ATP7A: variants seen among roughly 807,000 people sequenced by gnomAD.
The protein encoded by ATP7A is ATPase copper transporting alpha.
A neutral mutation model predicts 83.5 loss-of-function variants in ATP7A; 7 were observed. That is an observed-to-expected ratio of 0.08 (90% confidence interval 0.05 to 0.16). ATP7A has a LOEUF of 0.16. ATP7A is among the 10% of genes least tolerant of loss of function. The pLI is 1.00. For missense variants in ATP7A, 940 were observed against 1,120.8 expected (o/e 0.84, Z 2.30); for synonymous variants, 354 against 395.2 (o/e 0.90, Z 1.24).
intron 2 of ATP7A, among the ~76,000 whole-genome samples, chrX:77,977,074 A>G (rs2077580509): frequency 8.9e-6 from 1 of 112,226 alleles, no homozygotes; most frequent in Non-Finnish European, 1.9e-5. Flanking sequence ...TCAAATTTAT[A>G]TAAAAATATT....
chrX:77,970,528 C>T (rs782153149), intron 1 of ATP7A, among the ~76,000 whole-genome samples: 50 of 110,983 alleles, frequency 4.5e-4, no homozygotes, highest in African/African-American at 1.4e-3. Flanking sequence ...AAAAATTAGC[C>T]GGGTGTGGTG....
intron 14 of ATP7A, 110 bp downstream of exon 14, chrX:78,021,189 G>A: frequency 1.2e-6 from 1 of 857,181 alleles, no homozygotes; most frequent in South Asian, 2.4e-5. Context: ...TTAAAGGTTT[G>A]GAGTGGGAGA....
chrX:78,011,146 A>G (rs2077821300), intron 7 of ATP7A, 30 bp from the exon 8 acceptor site: 1 of 1,147,967 alleles, frequency 8.7e-7, no homozygotes, highest in Admixed American at 2.2e-5. Flanking sequence ...ATGTTCAGTG[A>G]AATAATTTTT....
chrX:77,939,204 C>T lies in ATP7A; in HGVS notation c.-22+28369C>T, dbSNP rs920407366. On this transcript the variant is annotated intron_variant, in intron 1 of 22. Transcript: ENST00000341514. ...CCCAGCTACTCAGGAGGCTGAGGCA[C>T]GAGAATTACTTGAACTTGGGAGGCG... 6.4e-5 allele frequency among the ~76,000 whole-genome samples: 7 copies of T among 109,685 alleles called. No homozygotes were observed. In the East Asian group the frequency reaches 1.4e-3, roughly 22 times the overall value.
chrX:77,998,699 A>G lies in ATP7A; in HGVS notation c.1543+15A>G, dbSNP rs782368475. Reference sequence around the variant, plus strand: ...GCGGGAAGAAGGTGAGACACTCTTGAAGCTTGTTATTTTATGTGCTAGTTT... The same window carrying G: ...GCGGGAAGAAGGTGAGACACTCTTGGAGCTTGTTATTTTATGTGCTAGTTT... On this transcript the variant is annotated intron_variant, in intron 5 of 22. Transcript: ENST00000341514. 5.0e-6 allele frequency: 6 copies of G among 1,203,300 alleles called. No homozygotes were observed. In the South Asian group the frequency reaches 1.1e-4, roughly 21 times the overall value.
chrX:78,001,200 C>T (rs1483249214), intron 5 of ATP7A, among the ~76,000 whole-genome samples: 1 of 111,475 alleles, frequency 9.0e-6, no homozygotes, highest in African/African-American at 3.3e-5. Flanking sequence ...TAACTGATCA[C>T]CTGAATTGTT....
intron 1 of ATP7A, among the ~76,000 whole-genome samples, chrX:77,932,689 G>A (rs1339439193): frequency 8.9e-6 from 1 of 112,866 alleles, no homozygotes; most frequent in African/African-American, 3.2e-5. Flanking sequence ...GATCACTCGC[G>A]GTTAGGAGCT....
At chrX:77,941,329 T>C (rs996003978) in intron 1 of ATP7A, among the ~76,000 whole-genome samples, 1 of 112,083 alleles carries the variant, frequency 8.9e-6, no homozygotes, top group Non-Finnish European at 1.9e-5. Flanking sequence ...TTTTATAAAA[T>C]GGTACGTTTA....
chrX:77,988,662 A>G lies in ATP7A; in HGVS notation c.541A>G (p.Thr181Ala). 1.7e-6 allele frequency: 2 copies of G among 1,211,213 alleles called. No individual in the cohort carries two copies. The highest frequency in any genetic ancestry group is 2.2e-6 in the Non-Finnish European group (2 of 895,042). The change falls in exon 3 of 23, where the codon ACC (threonine) becomes GCC (alanine). Residue 181 changes from threonine to alanine, a missense_variant. Thr to Ala is a moderately conservative substitution (Grantham distance 58). Coordinates refer to ENST00000341514, the MANE Select transcript of ATP7A (RefSeq NM_000052.7). ...VVLKMKVEGMTCHSCTSTIEG... is the reference protein window; with the variant it reads ...VVLKMKVEGMACHSCTSTIEG... ...GCTGAAGATGAAAGTGGAAGGGATG[A>G]CCTGCCATTCATGTACTAGCACTAT...
chrX:78,034,592 T>C (rs2078001700), intron 17 of ATP7A, among the ~76,000 whole-genome samples: 1 of 111,270 alleles, frequency 9.0e-6, no homozygotes, highest in Non-Finnish European at 1.9e-5. Context: ...CTGATGACCA[T>C]TGACCTCACT....
At chrX:78,029,648 C>T (rs1298421649) in intron 15 of ATP7A, among the ~76,000 whole-genome samples, 1 of 112,046 alleles carries the variant, frequency 8.9e-6, no homozygotes, top group African/African-American at 3.2e-5. Flanking sequence ...CCTAAAACTA[C>T]TCCAGGCCTA....
chrX:78,007,684 TTATATATTCTAGA>T (rs1361969635), intron 6 of ATP7A, among the ~76,000 whole-genome samples: 1 of 112,458 alleles, frequency 8.9e-6, no homozygotes, highest in Non-Finnish European at 1.9e-5. Flanking sequence ...TAAGAATTCT[TTATATATTCTAGA>T]TACAAGTCCC....
chrX:77,931,156 T>G (rs1292689414), intron 1 of ATP7A, among the ~76,000 whole-genome samples: 2 of 109,150 alleles, frequency 1.8e-5, no homozygotes, highest in Non-Finnish European at 3.8e-5. Flanking sequence ...CAGAGGACCC[T>G]GTGGCCTTCC....
At chrX:78,007,365 G>A (rs1021042176) in intron 6 of ATP7A, among the ~76,000 whole-genome samples, 5 of 108,774 alleles carry the variant, frequency 4.6e-5, no homozygotes, top group African/African-American at 1.7e-4. Flanking sequence ...TCGCTCTGTC[G>A]CCCAGGCTGG....
chrX:77,923,200 T>C (rs2077224412), intron 1 of ATP7A: 1 of 112,378 alleles, frequency 8.9e-6, no homozygotes, highest in Admixed American at 9.5e-5. Flanking sequence ...TAAACAAATA[T>C]GCTATATGAA....
chrX:78,013,081 C>T lies in ATP7A; in HGVS notation c.2375C>T (p.Ala792Val), dbSNP rs782770209. The T allele has an allele frequency of 1.7e-6, 2 of 1,209,335 alleles. No homozygotes were observed. Among genetic ancestry groups the T allele is most frequent in the East Asian group, 3.0e-5 (1 of 33,830 alleles). ...DTPPMLFVFIALGRWLEHIAK... is the reference protein window; with the variant it reads ...DTPPMLFVFIVLGRWLEHIAK... ...CCCCCTATGCTGTTTGTGTTTATTG[C>T]ACTAGGCCGATGGCTGGAACATATA... The change falls in exon 10 of 23, where the codon GCA (alanine) becomes GTA (valine). Residue 792 changes from alanine to valine, a missense_variant. By Grantham distance (64) the Ala-to-Val change is moderately conservative. Around this residue, in one of 3 missense-constraint regions of ATP7A, gnomAD observed 204 missense variants for 185.8 expected, o/e 1.10. Transcript: ENST00000341514.
intron 1 of ATP7A, chrX:77,969,273 T>TGGGA (rs1428952329): frequency 1.5e-5 from 18 of 1,210,171 alleles, no homozygotes; most frequent in Admixed American, 1.3e-4. Context: ...TCGGAGGTGG[T>TGGGA]GGGACATCAT....
chrX:78,043,332 G>A lies in ATP7A; in HGVS notation c.4021G>A (p.Val1341Ile). 5.0e-6 allele frequency: 6 copies of A among 1,194,832 alleles called. No homozygotes were observed. The highest frequency in any genetic ancestry group is 6.8e-6 in the Non-Finnish European group (6 of 880,345). The change falls in exon 21 of 23, where the codon GTA (valine) becomes ATA (isoleucine). Residue 1341 changes from valine to isoleucine, a missense_variant. Physicochemically the swap from Val to Ile is conservative, Grantham distance 29. Coordinates refer to ENST00000341514, the MANE Select transcript of ATP7A (RefSeq NM_000052.7). ...CTGTTCTTAGAATGATCTTCTGGAT[G>A]TAGTGGCAAGTATTGACTTATCAAG... ...VVLIRNDLLD[V>I]VASIDLSRKT...
chrX:77,939,890 C>A (rs2077341993), intron 1 of ATP7A, among the ~76,000 whole-genome samples: 1 of 101,350 alleles, frequency 9.9e-6, no homozygotes, highest in Admixed American at 1.0e-4. Context: ...TGGGGGGGAC[C>A]CCCCAAAAAC....
Sources: gnomAD v4.1 joint callset for allele counts (sites outside exome capture counted in the v4.1 genomes callset) on GRCh38, gnomAD v4.1.1 for gene constraint, gnomAD v4.1.1 regional missense constraint, MANE v1.5 for transcripts, NCBI Gene and HGNC (gene_info 2026-07-23, HGNC 2026-07-21) for gene names.